Variants in LIPJ observed in about 807,000 individuals in gnomAD.
LIPJ encodes lipase family member J.
In LIPJ, 33 loss-of-function variants were observed where a neutral mutation model predicts 39.8. The observed-to-expected ratio is 0.83, with a 90% CI of 0.63 to 1.11. The LOEUF is 1.11. LIPJ is among the 50% of genes least tolerant of loss of function. The probability of loss-of-function intolerance (pLI) is 0.00; values close to 1 mark genes in which losing one functional copy is unlikely to be tolerated. For synonymous variants in LIPJ, 128 were observed against 139.2 expected, an observed-to-expected ratio of 0.92 and a Z score of 0.57; for missense variants, 422 against 427.9, an observed-to-expected ratio of 0.99 and a Z score of 0.12.
chr10:88,612,001 T>G, the LIPJ span, among the ~76,000 whole-genome samples: 1 of 152,204 alleles, frequency 6.6e-6, no homozygotes, highest in African/African-American at 2.4e-5. Flanking sequence ...GAAAGAATCT[T>G]AAGAGCTGTG....
At chr10:88,592,091 A>C (rs1851098674) in intron 4 of LIPJ, 1 of 151,876 alleles carries the variant, frequency 6.6e-6, no homozygotes, top group African/African-American at 2.4e-5. Context: ...TTTTCTCCTT[A>C]GCTTTTCTTC....
Position 88,593,902 on chromosome 10 carries a change from A to T in LIPJ, c.131-44A>T, listed in dbSNP as rs369555730. The T allele has an allele frequency of 1.0e-3, 1,518 of 1,512,996 alleles. 7 individuals carry two copies. Among genetic ancestry groups the T allele is most frequent in the South Asian group, 5.5e-3 (463 of 83,444 alleles). The allele number at this position is 1,512,996 out of a possible 1,614,324, so 93.7% of individuals were successfully genotyped here. A position where few individuals can be genotyped will look rare whatever the true frequency, so the allele number is the denominator to read the frequency against. ...TTTCAGATAAAAGATTTTCATATAG[A>T]TAACTACAAAATTTATAAAGAACTT... On this transcript the variant is annotated intron_variant, in intron 4 of 10. Coordinates refer to ENST00000371939, the Ensembl canonical transcript of LIPJ.
chr10:88,611,316 G>T (rs1403575007), downstream of LIPJ, among the ~76,000 whole-genome samples: 2 of 151,964 alleles, frequency 1.3e-5, no homozygotes, highest in East Asian at 3.8e-4. Flanking sequence ...TAAATGAGAG[G>T]GAACCAGAAA....
intron 7 of LIPJ, 106 bp downstream of exon 7, chr10:88,596,522 A>G (rs1703438383): frequency 7.9e-7 from 1 of 1,266,004 alleles, no homozygotes; most frequent in Admixed American, 2.9e-5. Context: ...TATGGATTGA[A>G]ATTTTTGGTT....
chr10:88,583,651 C>T (rs1850794441), upstream of LIPJ: 3 of 988,182 alleles, frequency 3.0e-6, no homozygotes, highest in South Asian at 4.6e-5. Context: ...AGCGATACCA[C>T]GGGCAACCTT....
At chr10:88,582,995 T>C (rs1850732799), upstream of LIPJ, 13 of 1,494,170 alleles carry the variant, frequency 8.7e-6, no homozygotes, top group East Asian at 2.7e-4. Context: ...TTAGACTTTC[T>C]TGGGTGCAGG....
downstream of LIPJ, among the ~76,000 whole-genome samples, chr10:88,610,345 T>C (rs2134593883): frequency 6.6e-6 from 1 of 152,306 alleles, no homozygotes; most frequent in Middle Eastern, 3.4e-3. Context: ...TGTACTAGCG[T>C]CATCAATTGC....
chr10:88,608,573 A>C (rs1851713728), downstream of LIPJ, among the ~76,000 whole-genome samples: 1 of 152,232 alleles, frequency 6.6e-6, no homozygotes, highest in South Asian at 2.1e-4. Context: ...TCTAGAATTG[A>C]GTGTGAATTT....
rs1042287182 is a variant in LIPJ at position 88,590,485 on chromosome 10, C to T, written c.-103-100C>T. On this transcript the variant is annotated intron_variant, in intron 2 of 10. Transcript: ENST00000371939. Reference sequence around the variant, plus strand: ...AAGCCTCTGTTTTCTTACCTGAAAACAGTAATATTTCCTACCTCATAGAAT... The same window carrying T: ...AAGCCTCTGTTTTCTTACCTGAAAATAGTAATATTTCCTACCTCATAGAAT... 2.0e-5 allele frequency: 9 copies of T among 453,340 alleles called. No homozygotes were observed. The East Asian group carries it at 3.3e-4, about 17-fold the overall frequency. 28.1% of individuals were successfully genotyped at this position (453,340 alleles called of 1,614,324 possible).
At chr10:88,605,780 G>A in intron 10 of LIPJ, 76 bp downstream of exon 10, 1 of 867,150 alleles carries the variant, frequency 1.2e-6, no homozygotes. Context: ...AGGATCAACT[G>A]TAAATCCCCA....
intron 4 of LIPJ, 56 bp from the exon 5 acceptor site, chr10:88,593,890 A>C (rs1590077602): frequency 6.9e-7 from 1 of 1,455,176 alleles, no homozygotes; most frequent in Non-Finnish European, 9.4e-7. Flanking sequence ...CAGATAAAAG[A>C]TTTTCATATA....
intron 8 of LIPJ, among the ~76,000 whole-genome samples, chr10:88,599,672 T>C (rs1261395075): frequency 6.7e-6 from 1 of 149,526 alleles, no homozygotes; most frequent in Non-Finnish European, 1.5e-5. Context: ...CATACATTTA[T>C]ATATACATAC....
the LIPJ span, among the ~76,000 whole-genome samples, chr10:88,616,006 A>G: frequency 2.0e-5 from 3 of 152,216 alleles, no homozygotes; most frequent in African/African-American, 7.2e-5. Context: ...GAGGCTATAA[A>G]TCGGAGACCA....
At chr10:88,601,958 G>C (rs898382976) in intron 8 of LIPJ, among the ~76,000 whole-genome samples, 5 of 152,118 alleles carry the variant, frequency 3.3e-5, no homozygotes, top group Non-Finnish European at 5.9e-5. Flanking sequence ...CTGGTTCACT[G>C]AGGTTCCAGG....
At chr10:88,602,519 TGCTC>T (rs2134577593) in intron 8 of LIPJ, 53 bp from the exon 9 acceptor site, 1 of 1,190,316 alleles carries the variant, frequency 8.4e-7, no homozygotes, top group East Asian at 2.5e-5. Context: ...TAAAAGATTA[TGCTC>T]TCTATGATTC....
At chr10:88,600,987 C>CA (rs1851454579) in intron 8 of LIPJ, among the ~76,000 whole-genome samples, 1 of 151,926 alleles carries the variant, frequency 6.6e-6, no homozygotes, top group South Asian at 2.1e-4. Flanking sequence ...TTTGCTGTGT[C>CA]AGCCAAGCTG....
At chr10:88,583,083 A>G, upstream of LIPJ, 1 of 1,612,340 alleles carries the variant, frequency 6.2e-7, no homozygotes, top group Non-Finnish European at 8.5e-7. Flanking sequence ...CTGAGTCCTC[A>G]GCCTTGTCCC....
At chr10:88,613,794 A>ATT in the LIPJ span, among the ~76,000 whole-genome samples, 2 of 49,572 alleles carry the variant, frequency 4.0e-5, no homozygotes, top group East Asian at 1.5e-3. Context: ...ATATATATAT[A>ATT]TATATATGTG....
the LIPJ span, among the ~76,000 whole-genome samples, chr10:88,613,793 T>TAC: frequency 1.9e-5 from 1 of 52,118 alleles, no homozygotes; most frequent in Non-Finnish European, 3.4e-5. Context: ...TATATATATA[T>TAC]ATATATATGT....
Sources: allele counts gnomAD v4.1 joint callset (sites outside exome capture counted in the v4.1 genomes callset), GRCh38; gene constraint gnomAD v4.1.1; transcripts MANE v1.5; gene names NCBI Gene and HGNC (gene_info 2026-07-23, HGNC 2026-07-21).